Variants in FREM1 observed in about 807,000 individuals in gnomAD.
The protein encoded by FREM1 is FRAS1 related extracellular matrix 1, also known as FRAS1-related extracellular matrix protein 1.
Under a neutral mutation model 210.1 loss-of-function variants are expected in FREM1, and 220 were observed. The observed-to-expected ratio is 1.05, with a 90% CI of 0.94 to 1.17. FREM1 has a LOEUF of 1.17. FREM1 is among the 50% of genes most tolerant of loss of function. The pLI is 0.00. For synonymous variants in FREM1, 1,189 were observed against 980.2 expected (o/e 1.21, Z -3.98); for missense variants, 3,454 against 2,675.5 (o/e 1.29, Z -6.42).
chr9:14,861,098 A>AC (rs1564105696), intron 3 of FREM1, among the ~76,000 whole-genome samples: 3 of 63,456 alleles, frequency 4.7e-5, no homozygotes, highest in African/African-American at 2.5e-4. Context: ...CATATATATA[A>AC]ACATATATAC....
chr9:14,741,541 G>C (rs1361651228), intron 35 of FREM1, among the ~76,000 whole-genome samples: 2 of 152,120 alleles, frequency 1.3e-5, no homozygotes, highest in African/African-American at 4.8e-5. Flanking sequence ...GGTATGATGA[G>C]GCATCTCCTC....
chr9:14,860,574 TATATATACACATATATATAC>T (rs1312835941), intron 3 of FREM1, among the ~76,000 whole-genome samples: 5 of 126,120 alleles, frequency 4.0e-5, no homozygotes, highest in South Asian at 4.7e-4. Context: ...TATATACACA[TATATATACACATATATATAC>T]ATATATACAC....
At chr9:14,904,519 G>C (rs1004468845) in intron 1 of FREM1, among the ~76,000 whole-genome samples, 1 of 151,302 alleles carries the variant, frequency 6.6e-6, no homozygotes, top group African/African-American at 2.4e-5. Context: ...GAAAAGAGCA[G>C]ATCTGCTTTC....
chr9:14,842,210 T>A, intron 9 of FREM1, 106 bp downstream of exon 9: 1 of 707,926 alleles, frequency 1.4e-6, no homozygotes, highest in South Asian at 2.0e-5. Context: ...GATGTTCACC[T>A]TAGGACAAAC....
At chr9:14,884,463 C>T (rs1370765353) in intron 1 of FREM1, among the ~76,000 whole-genome samples, 3 of 152,110 alleles carry the variant, frequency 2.0e-5, no homozygotes, top group Non-Finnish European at 4.4e-5. Flanking sequence ...TGTGAAAATT[C>T]TTTCTGAAAT....
At chr9:14,855,971 T>A (rs1434861130) in intron 5 of FREM1, among the ~76,000 whole-genome samples, 1 of 151,998 alleles carries the variant, frequency 6.6e-6, no homozygotes, top group Non-Finnish European at 1.5e-5. Context: ...ATAGACCTAG[T>A]GTTTAGGTCT....
intron 35 of FREM1, among the ~76,000 whole-genome samples, chr9:14,743,521 C>T (rs531097442): frequency 3.9e-5 from 6 of 152,120 alleles, no homozygotes; most frequent in Non-Finnish European, 7.4e-5. Context: ...GTGACACCAC[C>T]ATCCATGACT....
At position 14,746,943 on chromosome 9, in the gene FREM1, C is replaced by A. The variant is rs781440682; in HGVS notation, c.6118G>T (p.Ala2040Ser). Residue 2040 changes from alanine (A) to serine (S), a missense_variant, in exon 34 of 37, where the codon GCC (alanine) becomes TCC (serine). Coordinates refer to ENST00000380880, the MANE Select transcript of FREM1 (RefSeq NM_001379081.2). ...LYQCNGIAWK[A>S]WSPQTKDVED... ...CCTACCTTGGTTTGGGGACTCCAGG[C>A]TTTCCAGGCGATCCCATTGCACTGA... 1 of 1,613,194 alleles carries A rather than the reference C, an allele frequency of 6.2e-7. No homozygotes were observed. Among genetic ancestry groups the A allele is most frequent in the East Asian group, 2.2e-5 (1 of 44,860 alleles).
At chr9:14,907,609 G>A (rs1032174848) in intron 1 of FREM1, among the ~76,000 whole-genome samples, 2 of 152,194 alleles carry the variant, frequency 1.3e-5, no homozygotes, top group Admixed American at 6.5e-5. Context: ...GGAGTTACGG[G>A]ATCCCATTGT....
At chr9:14,747,096 G>T (rs774868755) in intron 33 of FREM1, 45 bp from the exon 34 acceptor site, 1 of 1,612,064 alleles carries the variant, frequency 6.2e-7, no homozygotes, top group South Asian at 1.1e-5. Flanking sequence ...TTGACTTAAG[G>T]AAAGTTGCTC....
intron 29 of FREM1, among the ~76,000 whole-genome samples, chr9:14,755,273 T>G (rs1442218070): frequency 6.6e-6 from 1 of 152,220 alleles, no homozygotes; most frequent in African/African-American, 2.4e-5. Flanking sequence ...GAGCCATTTC[T>G]TTTCTGTGTT....
intron 1 of FREM1, among the ~76,000 whole-genome samples, chr9:14,873,346 A>C (rs1314640323): frequency 6.6e-6 from 1 of 152,034 alleles, no homozygotes; most frequent in East Asian, 1.9e-4. Flanking sequence ...ACAATTTCAG[A>C]GCCTGTTATT....
intron 30 of FREM1, 112 bp from the exon 31 acceptor site, chr9:14,748,751 C>T (rs1842873016): frequency 1.4e-6 from 1 of 705,790 alleles, no homozygotes; most frequent in Non-Finnish European, 2.4e-6. Context: ...GGATGGTTTT[C>T]CCACCAGATG....
intron 27 of FREM1, among the ~76,000 whole-genome samples, chr9:14,762,360 C>T (rs956377852): frequency 1.3e-5 from 2 of 152,212 alleles, no homozygotes; most frequent in Non-Finnish European, 2.9e-5. Flanking sequence ...TCATCCATTG[C>T]TAATGCTAAC....
chr9:14,864,956 T>C (rs1831242268), intron 2 of FREM1, among the ~76,000 whole-genome samples: 1 of 152,190 alleles, frequency 6.6e-6, no homozygotes, highest in South Asian at 2.1e-4. Context: ...AAAGAGACAG[T>C]CTGCTTTGTT....
Position 14,740,204 on chromosome 9 carries a change from G to C in FREM1, c.6285C>G (p.Ser2095=), listed in dbSNP as rs368943026. The change falls in exon 36 of 37, where the codon TCC becomes TCG. Residue 2095 remains serine, a synonymous_variant. Transcript: ENST00000380880. ...CCCAGAGCCACCGCATGTGCTGCCT[G>C]GAGAATACAGTTACAAGGTTGCCCA... ...QYLGNLVTVF[S]RQHMRWLWDI... is the part of the protein sequence containing the mutation. 1 of 1,612,820 alleles carries C rather than the reference G, an allele frequency of 6.2e-7. No individual in the cohort carries two copies. The highest frequency in any genetic ancestry group is 1.3e-5 in the African/African-American group (1 of 74,836).
At position 14,841,585 on chromosome 9, in the gene FREM1, A is replaced by T; in HGVS notation, c.1743T>A (p.Tyr581Ter). 6.3e-7 allele frequency: 1 copy of T among 1,598,618 alleles called. No individual in the cohort carries two copies. Among genetic ancestry groups the T allele is most frequent in the Non-Finnish European group, 8.6e-7 (1 of 1,169,048 alleles). ...CCCTCTGAAGGAAGCCATGGACAGG[A>T]TAGCCTATTGGGTCCATAAAACACC... ...MKKPGPGLIG[Y>*]PVHGFLQRDL... Residue 581 changes from tyrosine to a stop codon, truncating the protein, a stop_gained, in exon 10 of 37, where the codon TAT becomes TAA. Coordinates refer to ENST00000380880, the MANE Select transcript of FREM1 (RefSeq NM_001379081.2). LOFTEE classifies it high-confidence loss of function.
chr9:14,822,893 A>G (rs2130795061), intron 13 of FREM1, among the ~76,000 whole-genome samples: 1 of 152,314 alleles, frequency 6.6e-6, no homozygotes, highest in African/African-American at 2.4e-5. Context: ...CAGAAAGAAG[A>G]GGAAGTGAAA....
chr9:14,823,325 A>T lies in FREM1; in HGVS notation c.2172T>A (p.His724Gln), dbSNP rs774793105. 1.7e-5 allele frequency: 27 copies of T among 1,612,360 alleles called. No homozygotes were observed. The highest frequency in any genetic ancestry group is 2.2e-5 in the Non-Finnish European group (26 of 1,178,938). ...TALELRSFTQ[H>Q]AVNYMKVAYM... Reference sequence around the variant, plus strand: ...AGGCCACTTTCATATAGTTCACAGCATGCTGCAAAGTAAGTTGAGATGGAT... The same window carrying T: ...AGGCCACTTTCATATAGTTCACAGCTTGCTGCAAAGTAAGTTGAGATGGAT... The change falls in exon 13 of 37, where the codon CAT (histidine) becomes CAA (glutamine). Residue 724 changes from histidine to glutamine, a missense_variant and splice_region_variant. Physicochemically the swap from His to Gln is conservative, Grantham distance 24. Transcript: ENST00000380880.
Sources: gnomAD v4.1 joint callset for allele counts (sites outside exome capture counted in the v4.1 genomes callset) on GRCh38, gnomAD v4.1.1 for gene constraint, MANE v1.5 for transcripts, NCBI Gene and HGNC (gene_info 2026-07-23, HGNC 2026-07-21) for gene names.